The following SH3BP5 variants were observed in gnomAD, a reference collection of about 807,000 sequenced individuals.
SH3BP5 encodes the protein SH3 domain-binding protein 5.
SH3BP5 carries 22 observed loss-of-function variants against 43.3 expected under a neutral mutation model. That is an observed-to-expected ratio of 0.51 (90% CI 0.36 to 0.73). The LOEUF (loss-of-function observed/expected upper bound fraction) is 0.73, where lower values mean the gene tolerates loss of function less well. Ranked by LOEUF, SH3BP5 falls within the 30% of genes least tolerant of loss-of-function variation. The pLI is 0.00. For synonymous variants in SH3BP5, 255 were observed against 225.8 expected (o/e 1.13, Z -1.16); for missense variants, 529 against 586.9 (o/e 0.90, Z 1.02).
At chr3:15,264,855 C>T (rs1057504650) in intron 4 of SH3BP5, among the ~76,000 whole-genome samples, 2 of 152,004 alleles carry the variant, frequency 1.3e-5, no homozygotes, top group African/African-American at 4.8e-5. Context: ...TCAAAGACAA[C>T]ATGTTGGGGG....
At chr3:15,315,286 C>A (rs1201992153) in intron 2 of SH3BP5, among the ~76,000 whole-genome samples, 4 of 152,240 alleles carry the variant, frequency 2.6e-5, no homozygotes, top group African/African-American at 9.6e-5. Flanking sequence ...ACTCCTACAA[C>A]CTTTCAGAAA....
intron 2 of SH3BP5, among the ~76,000 whole-genome samples, chr3:15,321,339 C>A (rs1418742079): frequency 6.6e-6 from 1 of 152,082 alleles, no homozygotes; most frequent in Non-Finnish European, 1.5e-5. Context: ...CACTTTTCAT[C>A]CTTCCATGAA....
At chr3:15,311,832 C>T (rs960483313) in intron 2 of SH3BP5, among the ~76,000 whole-genome samples, 1 of 151,852 alleles carries the variant, frequency 6.6e-6, no homozygotes, top group African/African-American at 2.4e-5. Context: ...TATGACCACA[C>T]CCGGCTAATT....
chr3:15,268,449 C>T (rs1018824422), intron 4 of SH3BP5, among the ~76,000 whole-genome samples: 25 of 152,242 alleles, frequency 1.6e-4, no homozygotes, highest in African/African-American at 5.5e-4. Flanking sequence ...GCTGCTGAAG[C>T]CACAGGTCAG....
intron 2 of SH3BP5, among the ~76,000 whole-genome samples, chr3:15,309,326 G>T (rs1697991050): frequency 1.3e-5 from 2 of 152,226 alleles, no homozygotes; most frequent in South Asian, 4.1e-4. Flanking sequence ...GGGTTTTTTG[G>T]GTTTTTGTTT....
Position 15,277,238 on chromosome 3 carries a change from C to T in SH3BP5, c.331-7361G>A, listed in dbSNP as rs370812367. ...CCGCCTGCCTCAGCCTCCCAAAGTG[C>T]TGGGATTACAGGGGTGAGCCACCAC... On this transcript the variant is annotated intron_variant, in intron 3 of 8. Transcript: ENST00000383791. Among the ~76,000 whole-genome samples the T allele has an allele frequency of 1.4e-4, 22 of 152,334 alleles. No homozygotes were observed. The South Asian group carries it at 4.6e-3, about 32-fold the overall frequency.
At chr3:15,320,392 G>C (rs756137012) in intron 2 of SH3BP5, among the ~76,000 whole-genome samples, 1 of 152,074 alleles carries the variant, frequency 6.6e-6, no homozygotes, top group African/African-American at 2.4e-5. Context: ...AATGAAAGAG[G>C]CTGACTTGCT....
At chr3:15,297,997 G>A (rs1193351410) in intron 3 of SH3BP5, among the ~76,000 whole-genome samples, 7 of 144,558 alleles carry the variant, frequency 4.8e-5, no homozygotes, top group Admixed American at 2.1e-4. Flanking sequence ...TTTTTAAAGA[G>A]CCAAGGTCTC....
chr3:15,311,021 A>G (rs1001063512), intron 2 of SH3BP5, among the ~76,000 whole-genome samples: 3 of 152,180 alleles, frequency 2.0e-5, no homozygotes, highest in African/African-American at 7.2e-5. Context: ...TTGCCTGGAA[A>G]CTGAGAATCC....
chr3:15,286,380 G>T (rs1697266031), intron 3 of SH3BP5, among the ~76,000 whole-genome samples: 1 of 152,206 alleles, frequency 6.6e-6, no homozygotes, highest in African/African-American at 2.4e-5. Flanking sequence ...GCAGGTCTGA[G>T]GAACTCAGGG....
intron 2 of SH3BP5, among the ~76,000 whole-genome samples, chr3:15,307,077 G>A (rs1387979647): frequency 6.6e-6 from 1 of 152,114 alleles, no homozygotes; most frequent in African/African-American, 2.4e-5. Flanking sequence ...GCTTGCTAGT[G>A]GGTTTGAAAA....
At chr3:15,283,383 C>T (rs1325575333) in intron 3 of SH3BP5, among the ~76,000 whole-genome samples, 2 of 152,132 alleles carry the variant, frequency 1.3e-5, no homozygotes, top group Non-Finnish European at 2.9e-5. Context: ...AGCAACAGAG[C>T]GAGACCCTGT....
chr3:15,339,764 G>A (rs566915138), intron 1 of SH3BP5: 1 of 151,714 alleles, frequency 6.6e-6, no homozygotes, highest in East Asian at 1.9e-4. Flanking sequence ...TGCTTCGGCA[G>A]CACATATACT....
chr3:15,321,917 T>C (rs1698337566), intron 2 of SH3BP5, among the ~76,000 whole-genome samples: 1 of 152,164 alleles, frequency 6.6e-6, no homozygotes, highest in African/African-American at 2.4e-5. Context: ...AGAATAACTA[T>C]GTTAGGGCCA....
chr3:15,300,265 C>T (rs1697698726), intron 3 of SH3BP5, among the ~76,000 whole-genome samples: 1 of 152,134 alleles, frequency 6.6e-6, no homozygotes, highest in African/African-American at 2.4e-5. Flanking sequence ...GAAACCCAAG[C>T]TCATGCTGGG....
rs753240673 is a variant in SH3BP5 at position 15,256,962 on chromosome 3, C to T, written c.1041G>A (p.Leu347=). ...ACAGGGACACAGGGCTGGGCAGATCCAGGCTGCCAGGCCTCACAACCGCAG... is the reference window on the plus strand; with the variant it reads ...ACAGGGACACAGGGCTGGGCAGATCTAGGCTGCCAGGCCTCACAACCGCAG... ...QFPAVVRPGS[L]DLPSPVSLSE... is the part of the protein sequence containing the mutation. Residue 347 remains leucine, a synonymous_variant, in exon 8 of 9, where the codon CTG becomes CTA. Transcript: ENST00000383791. The T allele has an allele frequency of 1.9e-6, 3 of 1,614,224 alleles. No homozygotes were observed. Among genetic ancestry groups the T allele is most frequent in the South Asian group, 1.1e-5 (1 of 91,082 alleles).
intron 6 of SH3BP5, chr3:15,259,276 ACT>A (rs1383535737): frequency 1.9e-5 from 11 of 589,630 alleles, no homozygotes; most frequent in Non-Finnish European, 3.0e-5. Flanking sequence ...ATATCCAAAA[ACT>A]CTCACTGGTG....
At chr3:15,320,791 C>G (rs1698307439) in intron 2 of SH3BP5, among the ~76,000 whole-genome samples, 1 of 152,272 alleles carries the variant, frequency 6.6e-6, no homozygotes, top group Non-Finnish European at 1.5e-5. Context: ...AATCCATCAA[C>G]CCCCATAGCC....
In SH3BP5 at chr3:15,255,826, C is replaced by A; in HGVS notation, c.*260G>T. 1 of 391,292 alleles carries A rather than the reference C, an allele frequency of 2.6e-6. No homozygotes were observed. 24.2% of individuals were successfully genotyped at this position (391,292 alleles called of 1,614,324 possible). ...TCATAGGAACTAGTTATTGCTTCCA[C>A]AATGCCGTTATACGGAATGTTCCAC... On this transcript the variant is annotated 3_prime_UTR_variant, in exon 9 of 9. Coordinates refer to ENST00000383791, the MANE Select transcript of SH3BP5 (RefSeq NM_004844.5).
Sources: gnomAD v4.1 joint callset for allele counts (sites outside exome capture counted in the v4.1 genomes callset) on GRCh38, gnomAD v4.1.1 for gene constraint, MANE v1.5 for transcripts, NCBI Gene and HGNC (gene_info 2026-07-23, HGNC 2026-07-21) for gene names.